Variants in NRG2 observed in about 807,000 individuals in gnomAD.
NRG2 encodes neuregulin 2.
In NRG2, 27 loss-of-function variants were observed where a neutral mutation model predicts 73.9. The observed-to-expected ratio is 0.37, with a 90% CI of 0.27 to 0.50. NRG2 has a LOEUF of 0.50. Ranked by LOEUF, NRG2 falls within the 20% of genes least tolerant of loss-of-function variation. The probability of loss-of-function intolerance (pLI) is 0.96; values close to 1 mark genes in which losing one functional copy is unlikely to be tolerated. For synonymous variants in NRG2, 532 were observed against 541.0 expected, an observed-to-expected ratio of 0.98 and a Z score of 0.23; for missense variants, 1,126 against 1,210.1, an observed-to-expected ratio of 0.93 and a Z score of 1.03.
Position 140,012,028 on chromosome 5 carries a change from A to G in NRG2, c.700+30342T>C, listed in dbSNP as rs562676082. Among the ~76,000 whole-genome samples the G allele has an allele frequency of 3.3e-5, 5 of 152,132 alleles. No homozygotes were observed. The South Asian group carries it at 1.0e-3, about 32-fold the overall frequency. ...TGATCCAATTCAGCTCACCTTCCCA[A>G]ACTTCTCTTGCACCACTGCCCATGG... On this transcript the variant is annotated intron_variant, in intron 1 of 9. Coordinates refer to ENST00000361474, the MANE Select transcript of NRG2 (RefSeq NM_004883.3).
chr5:139,961,994 TC>T (rs1327855390), intron 1 of NRG2, among the ~76,000 whole-genome samples: 1 of 152,128 alleles, frequency 6.6e-6, no homozygotes, highest in African/African-American at 2.4e-5. Context: ...GCTCTTGCTT[TC>T]CTGACCAGCA....
At chr5:140,023,642 T>C (rs1760420179) in intron 1 of NRG2, among the ~76,000 whole-genome samples, 1 of 152,180 alleles carries the variant, frequency 6.6e-6, no homozygotes, top group Admixed American at 6.5e-5. Flanking sequence ...ATCAAGGAGC[T>C]TAAAAGAATC....
At chr5:139,976,250 C>A (rs1756375864) in intron 1 of NRG2, among the ~76,000 whole-genome samples, 1 of 152,182 alleles carries the variant, frequency 6.6e-6, no homozygotes, top group Admixed American at 6.5e-5. Context: ...AATGAGGAGA[C>A]AAATTCTTTG....
intron 4 of NRG2, among the ~76,000 whole-genome samples, chr5:139,866,346 G>C (rs1405260233): frequency 6.6e-6 from 1 of 152,184 alleles, no homozygotes; most frequent in Non-Finnish European, 1.5e-5. Context: ...AAATTTATTT[G>C]TGTTTCAAAT....
chr5:139,867,077 A>C (rs1335175553), intron 4 of NRG2, among the ~76,000 whole-genome samples: 1 of 152,194 alleles, frequency 6.6e-6, no homozygotes, highest in Non-Finnish European at 1.5e-5. Flanking sequence ...CTTCCTCAAG[A>C]GGCAAGTGTA....
rs764229436 is a variant in NRG2, at chr5:139,853,066, C to T, written c.1293-39G>A. ...GGGAAGGTGAGGCTGGCATTCCCCC[C>T]ACTCGCCAACGATGAACTTCCCTAG... On this transcript the variant is annotated intron_variant, in intron 6 of 9. Transcript: ENST00000361474. This position sits in a 1 kb window ranked among gnomAD's most constrained non-coding sequence, Gnocchi z 4.1. 9 of 1,610,272 alleles carry T rather than the reference C, an allele frequency of 5.6e-6. No homozygotes were observed. The highest frequency in any genetic ancestry group is 1.7e-5 in the Admixed American group (1 of 58,958).
chr5:139,892,739 A>C (rs1329104447), intron 1 of NRG2, among the ~76,000 whole-genome samples: 4 of 152,172 alleles, frequency 2.6e-5, no homozygotes, highest in Non-Finnish European at 4.4e-5. Flanking sequence ...TCTGTCAGGG[A>C]AAGAACTGAA....
intron 1 of NRG2, among the ~76,000 whole-genome samples, chr5:139,952,772 CGTGT>C (rs1350195028): frequency 6.6e-6 from 1 of 151,832 alleles, no homozygotes; most frequent in Non-Finnish European, 1.5e-5. Context: ...TGTGTGTGTG[CGTGT>C]GTGTGCATGC....
At position 139,975,998 on chromosome 5, in the gene NRG2, T is replaced by C. The variant is rs142186387; in HGVS notation, c.700+66372A>G. 7.8e-3 allele frequency among the ~76,000 whole-genome samples: 1,183 copies of C among 152,376 alleles called. 6 individuals are homozygous for C. Among genetic ancestry groups the C allele is most frequent in the Non-Finnish European group, 0.014 (939 of 68,038 alleles). ...GCTCAACTAAGCATTTTACCTAAAT[T>C]ATTACATTTAATCTAAGAACAACTC... On this transcript the variant is annotated intron_variant, in intron 1 of 9. Coordinates refer to ENST00000361474, the MANE Select transcript of NRG2 (RefSeq NM_004883.3).
In NRG2 at chr5:139,868,808, G is replaced by A. The variant is rs1472842651; in HGVS notation, c.1112+2913C>T. On this transcript the variant is annotated intron_variant, in intron 4 of 9. Transcript: ENST00000361474. The surrounding 1 kb of genome is among the most constrained non-coding windows in gnomAD (Gnocchi z 4.2). The stretch of plus-strand genomic sequence containing the variant: ...TTCATGAGAGGGGTGAAGATGTGGC[G>A]AGGATGAGCAGGCAGATGGAGGTGG... Among the ~76,000 whole-genome samples, 2 of 152,062 alleles carry A rather than the reference G, an allele frequency of 1.3e-5. No individual in the cohort carries two copies. Among genetic ancestry groups the A allele is most frequent in the East Asian group, 1.9e-4 (1 of 5,186 alleles).
At chr5:140,009,958 G>C (rs1759221853) in intron 1 of NRG2, among the ~76,000 whole-genome samples, 1 of 152,138 alleles carries the variant, frequency 6.6e-6, no homozygotes, top group Non-Finnish European at 1.5e-5. Flanking sequence ...TGAGGGGAGA[G>C]AGGAGTGAAT....
chr5:139,848,072 C>G lies in NRG2; in HGVS notation c.2398G>C (p.Gly800Arg). 1 of 1,497,774 alleles carries G rather than the reference C, an allele frequency of 6.7e-7. No individual in the cohort carries two copies. The highest frequency in any genetic ancestry group is 8.8e-7 in the Non-Finnish European group (1 of 1,130,616). The allele number at this position is 1,497,774 out of a possible 1,614,324, so 92.8% of individuals were successfully genotyped here. A position where few individuals can be genotyped will look rare whatever the true frequency, so the allele number is the denominator to read the frequency against. The change falls in exon 10 of 10, where the codon GGG (glycine) becomes CGG (arginine). Residue 800 changes from glycine (G) to arginine (R), a missense_variant. Transcript: ENST00000361474. ...AESTPFLGLR[G>R]AHDALRSDSP... ...TCCGAGCGCAGCGCGTCGTGCGCCC[C>G]ACGCAGGCCCAGGAAAGGTGTGCTC...
At position 139,904,889 on chromosome 5, in the gene NRG2, G is replaced by A. The variant is rs1765133444; in HGVS notation, c.701-17378C>T. On this transcript the variant is annotated intron_variant, in intron 1 of 9. Transcript: ENST00000361474. The surrounding 1 kb of genome is among the most constrained non-coding windows in gnomAD (Gnocchi z 6.0). ...CGAGCACCCTTGGCTCTTGCGGTGG[G>A]TCTCCACAACCTCGAGGCACCCCCG... 6.6e-6 allele frequency among the ~76,000 whole-genome samples: 1 copy of A among 152,196 alleles called. No homozygotes were observed. The highest frequency in any genetic ancestry group is 1.5e-5 in the Non-Finnish European group (1 of 68,024).
At chr5:139,926,684 G>A (rs756060588) in intron 1 of NRG2, among the ~76,000 whole-genome samples, 4 of 152,090 alleles carry the variant, frequency 2.6e-5, no homozygotes, top group South Asian at 2.1e-4. Context: ...CAACCTCCAG[G>A]CTCAGGCAAG....
chr5:139,925,890 A>G (rs1752022128), intron 1 of NRG2, among the ~76,000 whole-genome samples: 1 of 152,158 alleles, frequency 6.6e-6, no homozygotes, highest in African/African-American at 2.4e-5. Flanking sequence ...CCCACTCCAC[A>G]GGGTCTCCCA....
chr5:139,880,744 G>C, intron 3 of NRG2, 112 bp downstream of exon 3: 1 of 695,970 alleles, frequency 1.4e-6, no homozygotes, highest in Middle Eastern at 3.8e-4. Flanking sequence ...GCAGCAGGAG[G>C]GAGGGGAGTT....
At chr5:140,039,199 A>G (rs1249246927) in intron 1 of NRG2, among the ~76,000 whole-genome samples, 2 of 152,256 alleles carry the variant, frequency 1.3e-5, no homozygotes, top group African/African-American at 4.8e-5. Context: ...GAAACTGCTT[A>G]AAAACATGAA....
Position 139,848,291 on chromosome 5 carries a change from G to C in NRG2, c.2179C>G (p.Pro727Ala). 1 of 1,136,372 alleles carries C rather than the reference G, an allele frequency of 8.8e-7. No individual in the cohort carries two copies. Among genetic ancestry groups the C allele is most frequent in the Non-Finnish European group, 1.1e-6 (1 of 927,790 alleles). 70.4% of individuals were successfully genotyped at this position (1,136,372 alleles called of 1,614,324 possible). A position where few individuals can be genotyped will look rare whatever the true frequency, so the allele number is the denominator to read the frequency against. The change falls in exon 10 of 10, where the codon CCG (proline) becomes GCG (alanine). Residue 727 changes from proline (P) to alanine (A), a missense_variant. Physicochemically the swap from Pro to Ala is conservative, Grantham distance 27. This residue lies in a region of NRG2 where 402 missense variants were observed against 357.8 expected (regional missense o/e 1.12). Coordinates refer to ENST00000361474, the MANE Select transcript of NRG2 (RefSeq NM_004883.3). ...QECAPPPPPR[P>A]RARGASRRTS... ...CTGCGGGACGCACCGCGCGCGCGCGGCCGCGGCGGCGGCGGGGGCGCGCAC... is the reference window on the plus strand; with the variant it reads ...CTGCGGGACGCACCGCGCGCGCGCGCCCGCGGCGGCGGCGGGGGCGCGCAC...
intron 3 of NRG2, among the ~76,000 whole-genome samples, chr5:139,879,212 C>T: frequency 6.6e-6 from 1 of 152,178 alleles, no homozygotes; most frequent in Non-Finnish European, 1.5e-5. Flanking sequence ...CCTCCCTGTT[C>T]TCCCCTCTCC....
Sources: gnomAD v4.1 joint callset for allele counts (sites outside exome capture counted in the v4.1 genomes callset) on GRCh38, gnomAD v4.1.1 for gene constraint, gnomAD v4.1.1 regional missense constraint, Gnocchi (gnomAD v3.1) non-coding constraint, MANE v1.5 for transcripts, NCBI Gene and HGNC (gene_info 2026-07-23, HGNC 2026-07-21) for gene names.